Variants in NFU1 observed in about 807,000 individuals in gnomAD.
NFU1 encodes the protein NFU1 iron-sulfur cluster scaffold, also known as NFU1 iron-sulfur cluster scaffold homolog, mitochondrial.
A neutral mutation model predicts 32.2 loss-of-function variants in NFU1; 30 were observed. The ratio of observed to expected loss-of-function variants is 0.93; its 90% CI spans 0.70 to 1.26. The LOEUF is 1.26. NFU1 is among the 50% of genes most tolerant of loss of function. NFU1 has a pLI of 0.00. For missense variants in NFU1, 306 were observed against 306.6 expected (o/e 1.00, Z 0.02); for synonymous variants, 112 against 104.6 (o/e 1.07, Z -0.43).
intron 4 of NFU1, among the ~76,000 whole-genome samples, chr2:69,418,310 T>C (rs544962912): frequency 7.9e-5 from 12 of 152,234 alleles, no homozygotes; most frequent in South Asian, 2.1e-4. Flanking sequence ...TGAGGTGAGA[T>C]GACTGCTTAA....
At chr2:69,402,795 G>T (rs1055878220) in intron 6 of NFU1, among the ~76,000 whole-genome samples, 1 of 151,578 alleles carries the variant, frequency 6.6e-6, no homozygotes, top group Non-Finnish European at 1.5e-5. Context: ...GTTGGTCAGG[G>T]TGGTCTCGAA....
chr2:69,429,065 T>C (rs1673554370), intron 2 of NFU1, among the ~76,000 whole-genome samples: 1 of 152,254 alleles, frequency 6.6e-6, no homozygotes, highest in Non-Finnish European at 1.5e-5. Flanking sequence ...ATTTAAAATA[T>C]GTATATTTCT....
chr2:69,421,122 T>A (rs1673224328), intron 3 of NFU1, among the ~76,000 whole-genome samples: 1 of 151,972 alleles, frequency 6.6e-6, no homozygotes, highest in African/African-American at 2.4e-5. Flanking sequence ...GAGAATAGCT[T>A]GAACCCAGGA....
At chr2:69,428,568 G>A (rs1446883198) in intron 2 of NFU1, among the ~76,000 whole-genome samples, 1 of 152,006 alleles carries the variant, frequency 6.6e-6, no homozygotes, top group African/African-American at 2.4e-5. Flanking sequence ...ATAATAAGGA[G>A]ACTAAAGGTC....
At chr2:69,424,170 CAAAAAAAAAAA>C (rs57078704) in intron 2 of NFU1, among the ~76,000 whole-genome samples, 6 of 42,928 alleles carry the variant, frequency 1.4e-4, no homozygotes, top group East Asian at 9.7e-4. Context: ...GACTCTGTCT[CAAAAAAAAAAA>C]AAAAAAAAAA....
chr2:69,429,168 C>A (rs1046220135), intron 2 of NFU1, among the ~76,000 whole-genome samples: 1 of 152,168 alleles, frequency 6.6e-6, no homozygotes, highest in Non-Finnish European at 1.5e-5. Flanking sequence ...TGTAAATAAT[C>A]TTCTAACTCT....
At chr2:69,418,070 C>A (rs888677516) in intron 4 of NFU1, among the ~76,000 whole-genome samples, 5 of 151,664 alleles carry the variant, frequency 3.3e-5, no homozygotes, top group African/African-American at 4.9e-5. Flanking sequence ...AATGTTCATC[C>A]CTTCTTCTCC....
Position 69,415,302 on chromosome 2 carries a change from A to C in NFU1, c.370-3T>G, listed in dbSNP as rs763838516. ...TTCCAGTCTAATTCTTCATTTTCCT[A>C]TAAACATTTAAAGGAAAATGCTGTA... On this transcript the variant is annotated splice_polypyrimidine_tract_variant and splice_region_variant and intron_variant, in intron 4 of 7. Coordinates refer to ENST00000410022, the MANE Select transcript of NFU1 (RefSeq NM_001002755.4). 2.0e-6 allele frequency: 3 copies of C among 1,529,802 alleles called. No homozygotes were observed. The highest frequency in any genetic ancestry group is 2.7e-6 in the Non-Finnish European group (3 of 1,104,232). The allele number at this position is 1,529,802 out of a possible 1,614,324, so 94.8% of individuals were successfully genotyped here.
intron 5 of NFU1, chr2:69,411,289 A>G (rs1482980245): frequency 6.6e-6 from 1 of 152,210 alleles, no homozygotes; most frequent in Non-Finnish European, 1.5e-5. Flanking sequence ...TACTGGAGAA[A>G]GGAAAAACTT....
chr2:69,424,198 A>AAAAAATATAT (rs1558840147), intron 2 of NFU1, among the ~76,000 whole-genome samples: 6 of 74,544 alleles, frequency 8.0e-5, no homozygotes, highest in African/African-American at 3.2e-4. Flanking sequence ...AAAAAAAAAA[A>AAAAAATATAT]ATATATATAT....
chr2:69,437,971 G>A (rs979179712), upstream of NFU1, among the ~76,000 whole-genome samples: 3 of 152,166 alleles, frequency 2.0e-5, no homozygotes, highest in Non-Finnish European at 2.9e-5. Context: ...CCGCACAGAG[G>A]ATGTATCTGG....
At chr2:69,404,276 G>A (rs931498511) in intron 6 of NFU1, among the ~76,000 whole-genome samples, 6 of 151,434 alleles carry the variant, frequency 4.0e-5, no homozygotes, top group African/African-American at 1.2e-4. Flanking sequence ...TAGATCACCT[G>A]AGGTCAGGAG....
In NFU1 at chr2:69,431,904, G is replaced by A; in HGVS notation, c.164C>T (p.Pro55Leu). 6.2e-7 allele frequency: 1 copy of A among 1,600,318 alleles called. No individual in the cohort carries two copies. Among genetic ancestry groups the A allele is most frequent in the South Asian group, 1.1e-5 (1 of 90,742 alleles). Residue 55 changes from proline to leucine, a missense_variant and splice_region_variant, in exon 2 of 8, where the codon CCA becomes CTA. By Grantham distance (98) the Pro-to-Leu change is moderately conservative. Coordinates refer to ENST00000410022, the MANE Select transcript of NFU1 (RefSeq NM_001002755.4). ...CTATAAAAGAGGTGAAATTTTACCT[G>A]GGTGATAAAAGGCTGCAGGTAGTGG... ...LFPLPAAFYH[P>L]VRYMFIQTQD... is the part of the protein sequence containing the mutation.
At chr2:69,418,445 A>C (rs1270884136) in intron 4 of NFU1, among the ~76,000 whole-genome samples, 2 of 152,070 alleles carry the variant, frequency 1.3e-5, no homozygotes, top group Non-Finnish European at 2.9e-5. Flanking sequence ...ACTAGATTTA[A>C]CATGTCACTA....
At chr2:69,427,457 G>A (rs1410203719) in intron 2 of NFU1, among the ~76,000 whole-genome samples, 1 of 151,120 alleles carries the variant, frequency 6.6e-6, no homozygotes, top group Non-Finnish European at 1.5e-5. Context: ...AAAGGCAGGT[G>A]GATCACAAGG....
At chr2:69,426,026 G>C (rs754140014) in intron 2 of NFU1, among the ~76,000 whole-genome samples, 3 of 152,220 alleles carry the variant, frequency 2.0e-5, no homozygotes, top group African/African-American at 7.2e-5. Flanking sequence ...AAGCTAGAGT[G>C]CAGTGGCACA....
Position 69,408,052 on chromosome 2 carries a change from T to G in NFU1, c.485-1970A>C, listed in dbSNP as rs574926971. On this transcript the variant is annotated intron_variant, in intron 5 of 7. Coordinates refer to ENST00000410022, the MANE Select transcript of NFU1 (RefSeq NM_001002755.4). ...AATAGATAATTAAAAATAAATAAAT[T>G]TGTTGGGGGAAAAGAAGCACAAAAG... Among the ~76,000 whole-genome samples the G allele has an allele frequency of 3.3e-5, 5 of 151,792 alleles. No individual in the cohort carries two copies. The East Asian group carries it at 7.7e-4, about 23-fold the overall frequency.
At chr2:69,417,491 A>G (rs1452679243) in intron 4 of NFU1, among the ~76,000 whole-genome samples, 1 of 109,466 alleles carries the variant, frequency 9.1e-6, no homozygotes, top group Admixed American at 8.7e-5. Context: ...ATAAAAAAAA[A>G]TAAAAAAAAA....
At chr2:69,396,886 C>T (rs1342928419) in intron 7 of NFU1, among the ~76,000 whole-genome samples, 1 of 151,804 alleles carries the variant, frequency 6.6e-6, no homozygotes, top group East Asian at 1.9e-4. Flanking sequence ...TCCTGGCTAA[C>T]ACAGTGAAAC....
Sources: allele counts gnomAD v4.1 joint callset (sites outside exome capture counted in the v4.1 genomes callset), GRCh38; gene constraint gnomAD v4.1.1; transcripts MANE v1.5; gene names NCBI Gene and HGNC (gene_info 2026-07-23, HGNC 2026-07-21).